NUP58: variants seen among roughly 807,000 people sequenced by gnomAD.
The protein encoded by NUP58 is nucleoporin 58.
NUP58 carries 17 observed loss-of-function variants against 70.1 expected under a neutral mutation model. The ratio of observed to expected loss-of-function variants is 0.24; its 90% confidence interval spans 0.17 to 0.36. The LOEUF (loss-of-function observed/expected upper bound fraction) is 0.36. NUP58 is among the 10% of genes least tolerant of loss of function. NUP58 has a pLI of 1.00. For missense variants in NUP58, 644 were observed against 701.5 expected (o/e 0.92, Z 0.93); for synonymous variants, 275 against 257.6 (o/e 1.07, Z -0.65).
downstream of NUP58, among the ~76,000 whole-genome samples, chr13:25,343,195 C>T (rs890940405): frequency 6.6e-6 from 1 of 151,906 alleles, no homozygotes; most frequent in African/African-American, 2.4e-5. Flanking sequence ...CTCTTAAGTT[C>T]CCATAGTCCA....
intron 5 of NUP58, among the ~76,000 whole-genome samples, chr13:25,314,565 C>G (rs1312049750): frequency 1.3e-5 from 2 of 152,092 alleles, no homozygotes; most frequent in African/African-American, 4.8e-5. Flanking sequence ...CATGGTGATG[C>G]ATGCCTGTAA....
chr13:25,325,109 C>A, intron 10 of NUP58, 41 bp downstream of exon 10: 1 of 1,376,422 alleles, frequency 7.3e-7, no homozygotes, highest in Non-Finnish European at 1.0e-6. Flanking sequence ...TTCTCACTTT[C>A]AGAAAGCAGA....
intron 10 of NUP58, among the ~76,000 whole-genome samples, chr13:25,325,364 G>GTAAAT (rs1368571597): frequency 2.0e-5 from 3 of 152,102 alleles, no homozygotes; most frequent in African/African-American, 7.2e-5. Context: ...TACTGGTAAT[G>GTAAAT]GAAAATTACC....
intron 1 of NUP58, among the ~76,000 whole-genome samples, chr13:25,307,182 A>G (rs758065575): frequency 1.3e-5 from 2 of 148,478 alleles, no homozygotes; most frequent in African/African-American, 2.5e-5. Context: ...TTATTGCTGT[A>G]GACTGCTTTT....
chr13:25,330,497 A>C (rs1033454498), intron 12 of NUP58, among the ~76,000 whole-genome samples: 4 of 152,220 alleles, frequency 2.6e-5, no homozygotes, highest in Non-Finnish European at 5.9e-5. Flanking sequence ...ATGTTTACTA[A>C]TTTCTGCTAA....
rs1410540373 is a variant in NUP58 at position 25,341,259 on chromosome 13, T to TA, written c.*1126dup. 6.6e-6 allele frequency: 1 copy of TA among 152,624 alleles called. No individual in the cohort carries two copies. The highest frequency in any genetic ancestry group is 2.4e-5 in the African/African-American group (1 of 41,456). 9.5% of individuals were successfully genotyped at this position (152,624 alleles called of 1,614,324 possible). A position where few individuals can be genotyped will look rare whatever the true frequency, so the allele number is the denominator to read the frequency against. On this transcript the variant is annotated 3_prime_UTR_variant, in exon 16 of 16. Coordinates refer to ENST00000381736, the MANE Select transcript of NUP58 (RefSeq NM_014089.4). ...ACCATTTTATTATCCTGTGTGTCCTTACATTGCTTCTGTGAGATGTTTTTT... is the reference window on the plus strand; with the variant it reads ...ACCATTTTATTATCCTGTGTGTCCTTAACATTGCTTCTGTGAGATGTTTTTT...
chr13:25,312,916 G>C lies in NUP58; in HGVS notation c.320G>C (p.Gly107Ala). 2 of 1,613,534 alleles carry C rather than the reference G, an allele frequency of 1.2e-6. No homozygotes were observed. Among genetic ancestry groups the C allele is most frequent in the South Asian group, 1.1e-5 (1 of 90,988 alleles). ...GCCACTACATCTGCAGCTACAACAG[G>C]CTTCAGTTTAGGATTCAATAAACCT... ...TPATTSAATTGFSLGFNKPAA... is the reference protein window; with the variant it reads ...TPATTSAATTAFSLGFNKPAA... The change falls in exon 4 of 16, where the codon GGC becomes GCC. Residue 107 changes from glycine (G) to alanine (A), a missense_variant. This residue lies in a region of NUP58 where 430 missense variants were observed against 409.2 expected (regional missense o/e 1.05). Coordinates refer to ENST00000381736, the MANE Select transcript of NUP58 (RefSeq NM_014089.4).
At chr13:25,347,010 C>T (rs1295187204), downstream of NUP58, among the ~76,000 whole-genome samples, 1 of 152,114 alleles carries the variant, frequency 6.6e-6, no homozygotes, top group African/African-American at 2.4e-5. Context: ...TTTTCATATA[C>T]ATAATGACAT....
chr13:25,308,057 A>G lies in NUP58; in HGVS notation c.250+109A>G, dbSNP rs2030463622. 2.4e-6 allele frequency: 3 copies of G among 1,231,962 alleles called. No individual in the cohort carries two copies. In the East Asian group the frequency reaches 7.2e-5, roughly 29 times the overall value. 76.3% of individuals were successfully genotyped at this position (1,231,962 alleles called of 1,614,324 possible). A position where few individuals can be genotyped will look rare whatever the true frequency, so the allele number is the denominator to read the frequency against. ...ATCATCACTGGTAGTAGACCTTAAAAAATGGTAAATGCTAAGATGAAAAGA... is the reference window on the plus strand; with the variant it reads ...ATCATCACTGGTAGTAGACCTTAAAGAATGGTAAATGCTAAGATGAAAAGA... On this transcript the variant is annotated intron_variant, in intron 2 of 15. Transcript: ENST00000381736.
intron 13 of NUP58, chr13:25,332,485 C>G (rs1487102351): frequency 1.0e-6 from 1 of 983,442 alleles, no homozygotes; most frequent in Non-Finnish European, 1.2e-6. Context: ...TATTCAATAG[C>G]ATGTGTCTTT....
intron 13 of NUP58, chr13:25,334,542 C>T (rs1424583001): frequency 4.1e-6 from 4 of 984,936 alleles, no homozygotes; most frequent in African/African-American, 1.7e-5. Context: ...ATTTAATAAC[C>T]AAAGGAACAT....
intron 7 of NUP58, 105 bp downstream of exon 7, chr13:25,319,455 GAA>G: frequency 1.9e-6 from 2 of 1,059,024 alleles, no homozygotes; most frequent in Admixed American, 2.2e-5. Context: ...ACATTTAGGA[GAA>G]AAAACTTTTT....
At chr13:25,343,331 A>G (rs1458262553), downstream of NUP58, among the ~76,000 whole-genome samples, 2 of 151,054 alleles carry the variant, frequency 1.3e-5, no homozygotes, top group Non-Finnish European at 1.5e-5. Context: ...ATTTAAATTT[A>G]TTATTATTAT....
chr13:25,305,130 G>GTTTTTTTTTTTTTTTTTTTT (rs562132125), intron 1 of NUP58, among the ~76,000 whole-genome samples: 3 of 58,562 alleles, frequency 5.1e-5, no homozygotes, highest in African/African-American at 1.5e-4. Context: ...GATCTGTGGG[G>GTTTTTTTTTTTTTTTTTTTT]TTTTTTTTTT....
In NUP58 at chr13:25,325,109, C is replaced by T. The variant is rs759996713; in HGVS notation, c.1031+41C>T. On this transcript the variant is annotated intron_variant, in intron 10 of 15. Coordinates refer to ENST00000381736, the MANE Select transcript of NUP58 (RefSeq NM_014089.4). Reference sequence around the variant, plus strand: ...TTTAAAAACAAATGTTTCTCACTTTCAGAAAGCAGAACAGTAATAATAGTA... The same window carrying T: ...TTTAAAAACAAATGTTTCTCACTTTTAGAAAGCAGAACAGTAATAATAGTA... The T allele has an allele frequency of 1.7e-5, 24 of 1,376,432 alleles. No individual in the cohort carries two copies. In the South Asian group the frequency reaches 2.7e-4, roughly 16 times the overall value. 85.3% of individuals were successfully genotyped at this position (1,376,432 alleles called of 1,614,324 possible). A position where few individuals can be genotyped will look rare whatever the true frequency, so the allele number is the denominator to read the frequency against.
At chr13:25,316,249 G>A (rs1396844721) in intron 6 of NUP58, among the ~76,000 whole-genome samples, 1 of 152,032 alleles carries the variant, frequency 6.6e-6, no homozygotes, top group Non-Finnish European at 1.5e-5. Context: ...TTAAAAATTT[G>A]CTAATCCAAA....
chr13:25,303,613 T>A (rs1233411577), intron 1 of NUP58, among the ~76,000 whole-genome samples: 1 of 152,196 alleles, frequency 6.6e-6, no homozygotes, highest in Non-Finnish European at 1.5e-5. Flanking sequence ...GAGAGGCCTT[T>A]TCTGACCTGT....
chr13:25,336,155 G>GA, intron 13 of NUP58: 1 of 1,341,144 alleles, frequency 7.5e-7, no homozygotes, highest in East Asian at 4.9e-5. Flanking sequence ...TGAATGTATT[G>GA]AATCTGTCAA....
At chr13:25,345,557 A>G (rs1193530608), downstream of NUP58, among the ~76,000 whole-genome samples, 1 of 139,428 alleles carries the variant, frequency 7.2e-6, no homozygotes, top group Non-Finnish European at 1.5e-5. Context: ...GAAAAGCATC[A>G]TCCCAGCAAC....
Sources: gnomAD v4.1 joint callset for allele counts (sites outside exome capture counted in the v4.1 genomes callset) on GRCh38, gnomAD v4.1.1 for gene constraint, gnomAD v4.1.1 regional missense constraint, MANE v1.5 for transcripts, NCBI Gene and HGNC (gene_info 2026-07-23, HGNC 2026-07-21) for gene names.